Variants in DST observed in about 807,000 individuals in gnomAD.
DST encodes the protein bullous pemphigoid antigen.
DST carries 253 observed loss-of-function variants against 875.2 expected under a neutral mutation model. That is an observed-to-expected ratio of 0.29 (90% CI 0.26 to 0.32). The LOEUF is 0.32. Among genes scored for constraint, DST ranks in the 10% least tolerant of loss-of-function variants. The pLI, the probability that DST is intolerant of heterozygous loss-of-function variation, is 1.00. For synonymous variants in DST, 3,124 were observed against 3,197.1 expected (o/e 0.98, Z 0.77); for missense variants, 8,287 against 9,111.6 (o/e 0.91, Z 3.68).
intron 22 of DST, among the ~76,000 whole-genome samples, chr6:56,637,378 C>T (rs575680948): frequency 6.6e-6 from 1 of 152,300 alleles, no homozygotes; most frequent in Admixed American, 6.5e-5. Context: ...CCAACTCTTA[C>T]ATCTGCTTTG....
At position 56,534,885 on chromosome 6, in the gene DST, C is replaced by T. The variant is rs151249424; in HGVS notation, c.16941+237G>A. ...CACACCCTTCCCACTTGGCTTTGAA[C>T]TCAATGAGAAATGTTCATCTTTTTT... is the stretch of plus-strand genomic sequence containing the variant. On this transcript the variant is annotated intron_variant, in intron 63 of 103. Transcript: ENST00000680361. Among the ~76,000 whole-genome samples, 295 of 152,298 alleles carry T rather than the reference C, an allele frequency of 1.9e-3. 1 individual carries two copies. The highest frequency in any genetic ancestry group is 3.2e-3 in the Non-Finnish European group (218 of 68,022).
intron 3 of DST, among the ~76,000 whole-genome samples, chr6:56,874,881 C>T (rs1316633790): frequency 6.6e-6 from 1 of 152,212 alleles, no homozygotes; most frequent in African/African-American, 2.4e-5. Flanking sequence ...TATTAAAGGC[C>T]TGGTTATCTT....
intron 3 of DST, chr6:56,871,275 A>G: frequency 1.3e-6 from 1 of 781,286 alleles, no homozygotes; most frequent in Admixed American, 1.7e-5. Context: ...CTTTAAGAAC[A>G]CTCGTGAAAC....
chr6:56,820,259 C>T (rs1480642228), intron 4 of DST, among the ~76,000 whole-genome samples: 1 of 152,190 alleles, frequency 6.6e-6, no homozygotes, highest in Non-Finnish European at 1.5e-5. Flanking sequence ...TCACAGAAAA[C>T]ACTTATACTA....
At chr6:56,948,131 A>G (rs1458093458) in intron 2 of DST, among the ~76,000 whole-genome samples, 3 of 152,230 alleles carry the variant, frequency 2.0e-5, no homozygotes, top group Non-Finnish European at 2.9e-5. Context: ...TGTGACAGCA[A>G]AACTATCAGG....
rs893607433 is a variant in DST, at chr6:56,586,847, A to G, written c.12903+5335T>C. On this transcript the variant is annotated intron_variant, in intron 49 of 103. Coordinates refer to ENST00000680361, the MANE Select transcript of DST (RefSeq NM_001374736.1). Reference sequence around the variant, plus strand: ...AAACTCCAACAGACCTGCAGCTGAGAGTCCTGTCCGTTACAAGGAAAACTA... The same window carrying G: ...AAACTCCAACAGACCTGCAGCTGAGGGTCCTGTCCGTTACAAGGAAAACTA... Among the ~76,000 whole-genome samples, 61 of 152,342 alleles carry G rather than the reference A, an allele frequency of 4.0e-4. 3 individuals carry two copies. Among genetic ancestry groups the G allele is most frequent in the South Asian group, 2.9e-3 (14 of 4,824 alleles).
Position 56,606,179 on chromosome 6 carries a change from C to T in DST, c.8449G>A (p.Gly2817Arg). The T allele has an allele frequency of 6.3e-7, 1 of 1,592,926 alleles. No individual in the cohort carries two copies. The highest frequency in any genetic ancestry group is 1.1e-5 in the South Asian group (1 of 89,312). Residue 2817 changes from glycine to arginine, a missense_variant, in exon 40 of 104, where the codon GGA becomes AGA. Gly to Arg is a moderately radical substitution (Grantham distance 125). Transcript: ENST00000680361. The part of the protein sequence containing the change: ...DDDDGIDEEG[G>R]GIRDENGKPR... ...TTTCCATTCTCATCTCTTATACCTC[C>T]TCCTTCTTCATCAATGCCATCATCA... is the stretch of plus-strand genomic sequence containing the variant.
intron 38 of DST, 47 bp downstream of exon 38, chr6:56,611,458 TAAG>T: frequency 7.4e-7 from 1 of 1,347,786 alleles, no homozygotes; most frequent in Non-Finnish European, 1.1e-6. Context: ...TGAAAGCTTT[TAAG>T]AATACTTCCC....
chr6:56,511,261 T>C lies in DST; in HGVS notation c.18716A>G (p.Gln6239Arg), dbSNP rs766473383. ...ACGCTTTTTGACATCTTCTTTAATT[T>C]GACTGTAAAGGGTGTCGGCTGCCAC... ...KYVAADTLYS[Q>R]IKEDVKKRAV... Residue 6239 changes from glutamine to arginine, a missense_variant, in exon 73 of 104, where the codon CAA (glutamine) becomes CGA (arginine). Transcript: ENST00000680361. The C allele has an allele frequency of 1.9e-6, 3 of 1,598,854 alleles. No homozygotes were observed. The highest frequency in any genetic ancestry group is 2.6e-6 in the Non-Finnish European group (3 of 1,171,792).
intron 2 of DST, among the ~76,000 whole-genome samples, chr6:56,916,091 G>C (rs144345350): frequency 1.3e-5 from 2 of 152,312 alleles, no homozygotes; most frequent in East Asian, 1.9e-4. Context: ...AGGTGATAGG[G>C]AGGAAGTAAC....
chr6:56,623,945 T>C (rs2098711709), intron 36 of DST, among the ~76,000 whole-genome samples: 1 of 152,052 alleles, frequency 6.6e-6, no homozygotes, highest in Middle Eastern at 3.4e-3. Context: ...CAGAGTGGCA[T>C]TTAAATAGCC....
At chr6:56,825,648 A>G (rs2099779562) in intron 4 of DST, among the ~76,000 whole-genome samples, 1 of 152,122 alleles carries the variant, frequency 6.6e-6, no homozygotes, top group South Asian at 2.1e-4. Context: ...ATCTCTTAGT[A>G]TCAGGTATTT....
At chr6:56,751,576 G>GT (rs2099587334) in intron 4 of DST, among the ~76,000 whole-genome samples, 1 of 152,118 alleles carries the variant, frequency 6.6e-6, no homozygotes, top group Admixed American at 6.6e-5. Context: ...CAGGGTTAAA[G>GT]CTGCAATCCC....
intron 48 of DST, among the ~76,000 whole-genome samples, chr6:56,593,134 GA>G (rs1362264989): frequency 6.6e-6 from 1 of 152,108 alleles, no homozygotes; most frequent in Non-Finnish European, 1.5e-5. Flanking sequence ...TGAGAGCTGG[GA>G]CTTCTGGAAA....
At chr6:56,552,127 C>T in intron 61 of DST, 57 bp downstream of exon 61, 2 of 1,502,182 alleles carry the variant, frequency 1.3e-6, no homozygotes, top group East Asian at 4.5e-5. Context: ...CCTTTCTAAG[C>T]AAATTAGAAA....
chr6:56,515,002 C>T (rs1054333716), intron 72 of DST, among the ~76,000 whole-genome samples: 1 of 152,128 alleles, frequency 6.6e-6, no homozygotes, highest in Non-Finnish European at 1.5e-5. Flanking sequence ...CATAATATTG[C>T]TATTTTGACA....
chr6:56,793,068 CAAAAAAAAAAAAAAAAAAA>C (rs61457774), intron 4 of DST, among the ~76,000 whole-genome samples: 39 of 42,350 alleles, frequency 9.2e-4, no homozygotes, highest in African/African-American at 2.2e-3. Flanking sequence ...GACCCTGTCT[CAAAAAAAAAAAAAAAAAAA>C]AAAAAAAAAA....
At position 56,600,105 on chromosome 6, in the gene DST, G is replaced by T. The variant is rs373528826; in HGVS notation, c.11658C>A (p.Gly3886=). The T allele has an allele frequency of 1.4e-5, 23 of 1,612,638 alleles. No homozygotes were observed. Among genetic ancestry groups the T allele is most frequent in the Non-Finnish European group, 1.8e-5 (21 of 1,179,146 alleles). Residue 3886 remains glycine, a synonymous_variant, in exon 45 of 104, where the codon GGC becomes GGA. Transcript: ENST00000680361. ...GHQEAFMIGD[G]TVELKKYQSK... is the part of the protein sequence containing the mutation. ...ACTGATATTTCTTTAACTCAACTGT[G>T]CCATCTCCAATCATGAAGGCTTCTT...
At chr6:56,635,053 T>A in intron 24 of DST, 100 bp from the exon 25 acceptor site, 1 of 897,920 alleles carries the variant, frequency 1.1e-6, no homozygotes, top group Non-Finnish European at 1.7e-6. Context: ...AAGTCTTCTC[T>A]CTGACTACCT....
Sources: allele counts gnomAD v4.1 joint callset (sites outside exome capture counted in the v4.1 genomes callset), GRCh38; gene constraint gnomAD v4.1.1; transcripts MANE v1.5; gene names NCBI Gene and HGNC (gene_info 2026-07-23, HGNC 2026-07-21).